Variants in ITGBL1 observed in about 807,000 individuals in gnomAD.
ITGBL1 encodes the protein integrin subunit beta like 1.
A neutral mutation model predicts 68.5 loss-of-function variants in ITGBL1; 51 were observed. That is an observed-to-expected ratio of 0.74 (90% CI 0.59 to 0.94). The LOEUF (loss-of-function observed/expected upper bound fraction) is 0.94. Among genes scored for constraint, ITGBL1 ranks in the 40% least tolerant of loss-of-function variants. The pLI, the probability that ITGBL1 is intolerant of heterozygous loss-of-function variation, is 0.00. For missense variants in ITGBL1, 649 were observed against 647.4 expected (o/e 1.00, Z -0.03); for synonymous variants, 209 against 227.3 (o/e 0.92, Z 0.72).
intron 2 of ITGBL1, among the ~76,000 whole-genome samples, chr13:101,474,356 G>A (rs1425003195): frequency 1.3e-5 from 2 of 152,104 alleles, no homozygotes; most frequent in Admixed American, 1.3e-4. Flanking sequence ...AGGGAAGGGT[G>A]GGAAGAACTT....
chr13:101,473,464 C>A (rs890412218), intron 2 of ITGBL1, among the ~76,000 whole-genome samples: 13 of 152,198 alleles, frequency 8.5e-5, no homozygotes, highest in Admixed American at 5.9e-4. Flanking sequence ...TTTTGATCAG[C>A]CCTAGCCAGA....
At chr13:101,553,946 G>C (rs2049963074) in intron 2 of ITGBL1, among the ~76,000 whole-genome samples, 1 of 152,030 alleles carries the variant, frequency 6.6e-6, no homozygotes, top group African/African-American at 2.4e-5. Flanking sequence ...AGCTAATTTT[G>C]TATTTTTAGT....
At chr13:101,457,386 A>G (rs982080620) in intron 2 of ITGBL1, among the ~76,000 whole-genome samples, 1 of 152,234 alleles carries the variant, frequency 6.6e-6, no homozygotes, top group African/African-American at 2.4e-5. Context: ...TGTATTAGAT[A>G]CACTATGCCC....
chr13:101,488,431 A>G (rs2048730271), intron 2 of ITGBL1, among the ~76,000 whole-genome samples: 1 of 152,130 alleles, frequency 6.6e-6, no homozygotes, highest in Non-Finnish European at 1.5e-5. Flanking sequence ...TCCCACGTTC[A>G]CTGCTTTGAG....
At chr13:101,623,098 G>T (rs533502801) in intron 7 of ITGBL1, among the ~76,000 whole-genome samples, 1 of 151,968 alleles carries the variant, frequency 6.6e-6, no homozygotes, top group East Asian at 1.9e-4. Flanking sequence ...AATCACTGAC[G>T]CTTGTTAATG....
intron 2 of ITGBL1, among the ~76,000 whole-genome samples, chr13:101,496,131 G>A (rs1442375628): frequency 1.3e-5 from 2 of 151,978 alleles, no homozygotes; most frequent in South Asian, 2.1e-4. Context: ...ATTTCTACTT[G>A]AATGATTTAC....
At chr13:101,504,544 T>C (rs2048996753) in intron 2 of ITGBL1, among the ~76,000 whole-genome samples, 1 of 152,214 alleles carries the variant, frequency 6.6e-6, no homozygotes, top group Admixed American at 6.5e-5. Context: ...ATCAAAATGC[T>C]ATTATCCATC....
chr13:101,502,843 T>G (rs952211638), intron 2 of ITGBL1, among the ~76,000 whole-genome samples: 2 of 152,124 alleles, frequency 1.3e-5, no homozygotes, highest in Non-Finnish European at 2.9e-5. Flanking sequence ...AGATTTAGGA[T>G]GTTTCTTTCT....
At chr13:101,560,270 T>C (rs1403960429) in intron 2 of ITGBL1, among the ~76,000 whole-genome samples, 11 of 152,208 alleles carry the variant, frequency 7.2e-5, no homozygotes, top group Admixed American at 7.2e-4. Context: ...AAACTGAGCA[T>C]ATTTGAATAC....
intron 2 of ITGBL1, among the ~76,000 whole-genome samples, chr13:101,559,270 T>G (rs1037718481): frequency 2.6e-5 from 4 of 152,160 alleles, no homozygotes; most frequent in Non-Finnish European, 5.9e-5. Context: ...AAAATACTAC[T>G]TTGTTGTGAG....
At chr13:101,634,330 G>A (rs1243176262) in intron 7 of ITGBL1, among the ~76,000 whole-genome samples, 2 of 152,078 alleles carry the variant, frequency 1.3e-5, no homozygotes, top group Non-Finnish European at 2.9e-5. Flanking sequence ...GTTAAGAAAT[G>A]TTTAGTCAAG....
chr13:101,712,302 T>C (rs1209290636), intron 9 of ITGBL1: 1 of 152,198 alleles, frequency 6.6e-6, no homozygotes, highest in Non-Finnish European at 1.5e-5. Flanking sequence ...TTTTTTATTC[T>C]AAGTATTTCA....
At chr13:101,720,362 A>G (rs1370466404), downstream of ITGBL1, 1 of 152,166 alleles carries the variant, frequency 6.6e-6, no homozygotes. Context: ...AAATGCCCTT[A>G]TAGACACCCC....
chr13:101,556,966 G>T (rs7997664), intron 2 of ITGBL1, among the ~76,000 whole-genome samples: 32,033 of 152,098 alleles, frequency 0.21, 3,927 homozygotes, highest in African/African-American at 0.33. Context: ...GTTGCCTAAA[G>T]TTACATAGTG....
intron 5 of ITGBL1, among the ~76,000 whole-genome samples, chr13:101,581,496 G>C (rs906412371): frequency 2.0e-5 from 3 of 151,836 alleles, no homozygotes; most frequent in African/African-American, 7.3e-5. Flanking sequence ...CCCTATCCCT[G>C]TATTTCCTTC....
chr13:101,720,806 T>C (rs1309705846), downstream of ITGBL1: 3 of 152,128 alleles, frequency 2.0e-5, no homozygotes, highest in Non-Finnish European at 4.4e-5. Flanking sequence ...AATCATTTTG[T>C]TTGTTAGATT....
intron 2 of ITGBL1, among the ~76,000 whole-genome samples, chr13:101,528,904 G>A (rs1487872433): frequency 6.6e-6 from 1 of 151,872 alleles, no homozygotes; most frequent in Non-Finnish European, 1.5e-5. Context: ...ATAAAAACTA[G>A]TCAAATAAAA....
intron 2 of ITGBL1, among the ~76,000 whole-genome samples, chr13:101,541,169 A>G (rs1489734645): frequency 2.7e-5 from 4 of 149,896 alleles, no homozygotes; most frequent in African/African-American, 9.9e-5. Context: ...TTGCCCATTC[A>G]GTATGATATT....
chr13:101,693,106 C>T (rs188269155), intron 8 of ITGBL1, among the ~76,000 whole-genome samples: 2 of 152,190 alleles, frequency 1.3e-5, no homozygotes, highest in African/African-American at 2.4e-5. Flanking sequence ...AAGAGGTATA[C>T]GCTCAGATTC....
Sources: allele counts gnomAD v4.1 joint callset (sites outside exome capture counted in the v4.1 genomes callset), GRCh38; gene constraint gnomAD v4.1.1; transcripts MANE v1.5; gene names NCBI Gene and HGNC (gene_info 2026-07-23, HGNC 2026-07-21).